The following CSMD1 variants were observed in gnomAD, a reference collection of about 807,000 sequenced individuals.
The protein encoded by CSMD1 is CUB and sushi domain-containing protein 1.
In CSMD1, 213 loss-of-function variants were observed where a neutral mutation model predicts 417.5. That is an observed-to-expected ratio of 0.51 (90% CI 0.46 to 0.57). The LOEUF (loss-of-function observed/expected upper bound fraction) is 0.57, where lower values mean the gene tolerates loss of function less well. Ranked by LOEUF, CSMD1 falls within the 20% of genes least tolerant of loss-of-function variation. The pLI is 0.00. For synonymous variants in CSMD1, 2,862 were observed against 1,736.8 expected (o/e 1.65, Z -16.11); for missense variants, 6,923 against 4,529.7 (o/e 1.53, Z -15.17).
At chr8:3,693,997 G>A (rs370840749) in intron 7 of CSMD1, among the ~76,000 whole-genome samples, 153 of 151,444 alleles carry the variant, frequency 1.0e-3, no homozygotes, top group East Asian at 9.2e-3. Flanking sequence ...TAGTGTGTGT[G>A]TGTTGTGTGT....
At chr8:4,550,233 C>T (rs1025458411) in intron 2 of CSMD1, among the ~76,000 whole-genome samples, 1 of 151,778 alleles carries the variant, frequency 6.6e-6, no homozygotes, top group Admixed American at 6.6e-5. Flanking sequence ...ATTTCTCAGC[C>T]TTCACTTTTG....
chr8:4,308,578 G>A (rs1798383263), intron 3 of CSMD1, among the ~76,000 whole-genome samples: 3 of 152,172 alleles, frequency 2.0e-5, no homozygotes, highest in Admixed American at 6.5e-5. Context: ...TGCTCTTACA[G>A]GAAATGCTCC....
intron 1 of CSMD1, among the ~76,000 whole-genome samples, chr8:4,962,849 G>C (rs1809598450): frequency 6.6e-6 from 1 of 152,102 alleles, no homozygotes; most frequent in Non-Finnish European, 1.5e-5. Flanking sequence ...TTTTGTGCTT[G>C]GTGTCCTAAA....
At chr8:3,940,179 G>T (rs139324478) in intron 5 of CSMD1, among the ~76,000 whole-genome samples, 1 of 151,946 alleles carries the variant, frequency 6.6e-6, no homozygotes, top group Non-Finnish European at 1.5e-5. Context: ...AAACATGAAA[G>T]ATCTCATGCT....
In CSMD1 at chr8:3,576,527, G is replaced by A. The variant is rs559693564; in HGVS notation, c.1223-1461C>T. Among the ~76,000 whole-genome samples the A allele has an allele frequency of 9.9e-5, 15 of 152,154 alleles. No individual in the cohort carries two copies. The East Asian group carries it at 2.9e-3, about 29-fold the overall frequency. On this transcript the variant is annotated intron_variant, in intron 9 of 69. Transcript: ENST00000635120. ...TGTTCAGTTGCTTCCTACTTACTAT[G>A]GAAATAATTAGCTAAAATTGACCTA...
chr8:4,534,813 A>G (rs897426377), intron 2 of CSMD1, among the ~76,000 whole-genome samples: 2 of 152,012 alleles, frequency 1.3e-5, no homozygotes, highest in African/African-American at 2.4e-5. Flanking sequence ...CCCAGGCTGG[A>G]GTGCAGTAGT....
chr8:4,261,970 G>C (rs141025766), intron 3 of CSMD1, among the ~76,000 whole-genome samples: 80 of 152,206 alleles, frequency 5.3e-4, no homozygotes, highest in African/African-American at 1.7e-3. Context: ...ATTAAAACCT[G>C]AAGTCTGTCA....
intron 6 of CSMD1, among the ~76,000 whole-genome samples, chr8:3,718,983 G>A (rs973923151): frequency 1.3e-5 from 2 of 152,066 alleles, no homozygotes; most frequent in Non-Finnish European, 2.9e-5. Flanking sequence ...GCGCAAAGGG[G>A]GAGGCAGAAC....
At chr8:4,115,599 A>G (rs1802092275) in intron 3 of CSMD1, among the ~76,000 whole-genome samples, 1 of 152,232 alleles carries the variant, frequency 6.6e-6, no homozygotes, top group Non-Finnish European at 1.5e-5. Flanking sequence ...ACATTTTTAA[A>G]TAAATATATA....
intron 12 of CSMD1, among the ~76,000 whole-genome samples, chr8:3,461,091 C>T (rs780808856): frequency 3.3e-5 from 5 of 152,196 alleles, no homozygotes; most frequent in Admixed American, 6.5e-5. Flanking sequence ...TGGGCCTCAC[C>T]GCAGACTCAG....
chr8:3,495,375 G>C (rs191537358), intron 10 of CSMD1, among the ~76,000 whole-genome samples: 1 of 152,148 alleles, frequency 6.6e-6, no homozygotes, highest in Non-Finnish European at 1.5e-5. Context: ...ATTAAGGTTT[G>C]TGTGTCATGT....
intron 49 of CSMD1, among the ~76,000 whole-genome samples, chr8:3,053,181 A>G (rs1248362867): frequency 6.6e-6 from 1 of 152,136 alleles, no homozygotes; most frequent in Admixed American, 6.5e-5. Context: ...GTCAGAATAA[A>G]AGCTCTTCAT....
intron 2 of CSMD1, among the ~76,000 whole-genome samples, chr8:4,460,350 A>C (rs1280038144): frequency 1.3e-5 from 2 of 152,144 alleles, no homozygotes; most frequent in African/African-American, 4.8e-5. Context: ...ATAGAGGGAA[A>C]TTTAGAGTAG....
At chr8:3,241,734 C>T (rs995059052) in intron 26 of CSMD1, among the ~76,000 whole-genome samples, 12 of 152,070 alleles carry the variant, frequency 7.9e-5, no homozygotes, top group African/African-American at 2.9e-4. Flanking sequence ...GCGGTTCAGG[C>T]ATTTGGAAGT....
chr8:3,619,119 T>C (rs945276880), intron 7 of CSMD1, among the ~76,000 whole-genome samples: 9 of 148,114 alleles, frequency 6.1e-5, no homozygotes, highest in Non-Finnish European at 1.3e-4. Context: ...AGAACACATA[T>C]CTAAGGTCCC....
At chr8:4,275,589 G>A (rs951158739) in intron 3 of CSMD1, among the ~76,000 whole-genome samples, 2 of 152,044 alleles carry the variant, frequency 1.3e-5, no homozygotes, top group Non-Finnish European at 2.9e-5. Flanking sequence ...TAGATAAAAG[G>A]TAATATTGTA....
intron 2 of CSMD1, among the ~76,000 whole-genome samples, chr8:4,630,838 A>T (rs760099600): frequency 3.3e-5 from 5 of 152,102 alleles, no homozygotes; most frequent in Admixed American, 6.5e-5. Flanking sequence ...TTCCACTGCT[A>T]CTTCCCTGGA....
chr8:3,238,761 C>T (rs1286316306), intron 26 of CSMD1, among the ~76,000 whole-genome samples: 1 of 152,052 alleles, frequency 6.6e-6, no homozygotes, highest in East Asian at 1.9e-4. Context: ...TTAGAGAGTG[C>T]CTGACGAGGT....
intron 5 of CSMD1, among the ~76,000 whole-genome samples, chr8:3,966,162 G>C (rs895194144): frequency 6.6e-6 from 1 of 152,092 alleles, no homozygotes; most frequent in East Asian, 1.9e-4. Context: ...TTAATAGGAC[G>C]GCAAAGGAGA....
Sources: gnomAD v4.1 joint callset for allele counts (sites outside exome capture counted in the v4.1 genomes callset) on GRCh38, gnomAD v4.1.1 for gene constraint, MANE v1.5 for transcripts, NCBI Gene and HGNC (gene_info 2026-07-23, HGNC 2026-07-21) for gene names.